The following TMEM165 variants were observed in gnomAD, a reference collection of about 807,000 sequenced individuals.
The protein encoded by TMEM165 is putative divalent cation/proton antiporter TMEM165.
A neutral mutation model predicts 30.0 loss-of-function variants in TMEM165; 19 were observed. That is an observed-to-expected ratio of 0.63 (90% CI 0.44 to 0.93). The LOEUF (loss-of-function observed/expected upper bound fraction) is 0.93, where lower values mean the gene tolerates loss of function less well. Ranked by LOEUF, TMEM165 falls within the 40% of genes least tolerant of loss-of-function variation. The pLI, the probability that TMEM165 is intolerant of heterozygous loss-of-function variation, is 0.00. For synonymous variants in TMEM165, 168 were observed against 162.9 expected, an observed-to-expected ratio of 1.03 and a Z score of -0.24; for missense variants, 340 against 417.0, an observed-to-expected ratio of 0.82 and a Z score of 1.61.
chr4:55,397,945 GT>G (rs1720800662), intron 1 of TMEM165, among the ~76,000 whole-genome samples: 1 of 151,670 alleles, frequency 6.6e-6, no homozygotes, highest in Non-Finnish European at 1.5e-5. Context: ...GTCTCACTAT[GT>G]TGCCGAGTCT....
intron 3 of TMEM165, chr4:55,449,401 T>G: frequency 6.2e-7 from 1 of 1,612,944 alleles, no homozygotes; most frequent in Non-Finnish European, 8.5e-7. Context: ...CTTACCTGAC[T>G]ACTAAATGAT....
At chr4:55,438,271 G>T in intron 3 of TMEM165, 1 of 1,613,978 alleles carries the variant, frequency 6.2e-7, no homozygotes, top group South Asian at 1.1e-5. Context: ...CTTCCCCATG[G>T]GGAGAATTAC....
intron 3 of TMEM165, among the ~76,000 whole-genome samples, chr4:55,439,054 AAC>A (rs1280895729): frequency 6.6e-6 from 1 of 152,238 alleles, no homozygotes; most frequent in African/African-American, 2.4e-5. Flanking sequence ...GGGCACTATC[AAC>A]AGAGTAAAAA....
chr4:55,418,314 A>G (rs1404720936), intron 4 of TMEM165: 3 of 202,750 alleles, frequency 1.5e-5, no homozygotes, highest in Non-Finnish European at 2.9e-5. Flanking sequence ...AATATAAATC[A>G]GTATAATATT....
chr4:55,413,110 GCTGGGACCATAGGCT>G (rs1259148915), intron 2 of TMEM165, among the ~76,000 whole-genome samples: 1 of 151,294 alleles, frequency 6.6e-6, no homozygotes, highest in Non-Finnish European at 1.5e-5. Context: ...CTCCTGAGTA[GCTGGGACCATAGGCT>G]CATGCCACCA....
chr4:55,448,752 G>A (rs369052782), intron 3 of TMEM165: 78 of 1,554,132 alleles, frequency 5.0e-5, no homozygotes, highest in African/African-American at 2.5e-4. Flanking sequence ...ATTCAAATAC[G>A]CAACTGAAAC....
chr4:55,415,802 C>T (rs1721695035), intron 2 of TMEM165: 1 of 151,994 alleles, frequency 6.6e-6, no homozygotes, highest in South Asian at 2.1e-4. Flanking sequence ...GTAAGTGTTG[C>T]ACCCGTTTTA....
intron 1 of TMEM165, among the ~76,000 whole-genome samples, chr4:55,401,316 T>G (rs753108978): frequency 1.3e-5 from 2 of 150,904 alleles, no homozygotes; most frequent in South Asian, 2.1e-4. Context: ...CTATCTTTTC[T>G]GCAGTTTATG....
At chr4:55,435,458 C>T (rs1330196153) in intron 3 of TMEM165, 3 of 1,614,030 alleles carry the variant, frequency 1.9e-6, no homozygotes, top group Admixed American at 1.7e-5. Flanking sequence ...GCTGTCAGTC[C>T]TGTGCCGGCT....
chr4:55,428,954 A>G (rs1162584783), downstream of TMEM165: 1 of 150,938 alleles, frequency 6.6e-6, no homozygotes, highest in East Asian at 2.0e-4. Flanking sequence ...CTGAATGGTA[A>G]CTGTTCTGGC....
intron 3 of TMEM165, among the ~76,000 whole-genome samples, chr4:55,443,235 G>C: frequency 6.6e-6 from 1 of 152,078 alleles, no homozygotes; most frequent in Non-Finnish European, 1.5e-5. Context: ...CAGCACTTTG[G>C]GAGGCTGAGG....
At position 55,447,036 on chromosome 4, in the gene TMEM165, G is replaced by GT. The variant is rs879389475; in HGVS notation, c.409-5192dup. Among the ~76,000 whole-genome samples, 548 of 145,464 alleles carry GT rather than the reference G, an allele frequency of 3.8e-3. 3 individuals are homozygous for GT. The highest frequency in any genetic ancestry group is 6.7e-3 in the African/African-American group (266 of 39,986). On this transcript the variant is annotated intron_variant, in intron 3 of 3. Coordinates refer to the TMEM165 transcript ENST00000608091. ...AAATTTAGTACCTCAACTCCCTCAA[G>GT]TTTTTTTTTTTGTTTTTTTTTAAAT...
At chr4:55,444,597 T>G in intron 3 of TMEM165, 1 of 1,613,452 alleles carries the variant, frequency 6.2e-7, no homozygotes, top group South Asian at 1.1e-5. Flanking sequence ...AAAATGTGAA[T>G]GGGATGCTTT....
At chr4:55,397,478 A>G (rs1399495019) in intron 1 of TMEM165, 1 of 151,278 alleles carries the variant, frequency 6.6e-6, no homozygotes, top group Non-Finnish European at 1.5e-5. Context: ...CCTCCCTAAC[A>G]CAAGACCTTT....
At chr4:55,434,269 A>C (rs1431472179) in intron 3 of TMEM165, 1 of 152,658 alleles carries the variant, frequency 6.6e-6, no homozygotes, top group Non-Finnish European at 1.5e-5. Flanking sequence ...GAAGCATTGA[A>C]ATTGTGAAGG....
At chr4:55,410,896 G>C (rs554221079) in intron 1 of TMEM165, among the ~76,000 whole-genome samples, 68 of 152,272 alleles carry the variant, frequency 4.5e-4, no homozygotes, top group African/African-American at 1.5e-3. Flanking sequence ...ACTTTGGGAG[G>C]CTGAGGTGGG....
chr4:55,396,462 C>T, intron 1 of TMEM165, 66 bp downstream of exon 1: 1 of 1,282,376 alleles, frequency 7.8e-7, no homozygotes. Flanking sequence ...AGGCTCCAGG[C>T]CTTTGAAAGC....
chr4:55,425,487 AGG>A lies in TMEM165; in HGVS notation c.*36_*37del. ...TGTTCATCTATATTTAGTTTAAAAT[AGG>A]TAGTATTATCTTTCTGTACATAGTG... On this transcript the variant is annotated 3_prime_UTR_variant, in exon 6 of 6. Coordinates refer to ENST00000381334, the MANE Select transcript of TMEM165 (RefSeq NM_018475.5). The A allele has an allele frequency of 6.7e-7, 1 of 1,493,632 alleles. No homozygotes were observed. The highest frequency in any genetic ancestry group is 1.4e-5 in the African/African-American group (1 of 72,338). 92.5% of individuals were successfully genotyped at this position (1,493,632 alleles called of 1,614,324 possible).
intron 3 of TMEM165, chr4:55,438,565 G>A (rs769901273): frequency 3.1e-6 from 5 of 1,612,130 alleles, no homozygotes; most frequent in Non-Finnish European, 4.2e-6. Flanking sequence ...GAAAAAAATT[G>A]GAGTCCAAAG....
Sources: allele counts gnomAD v4.1 joint callset (sites outside exome capture counted in the v4.1 genomes callset), GRCh38; gene constraint gnomAD v4.1.1; transcripts MANE v1.5; gene names NCBI Gene and HGNC (gene_info 2026-07-23, HGNC 2026-07-21).